The following GPR139 variants were observed in gnomAD, a reference collection of about 807,000 sequenced individuals.
GPR139 encodes the protein probable G protein-coupled receptor 139.
Under a neutral mutation model 25.8 loss-of-function variants are expected in GPR139, and 12 were observed. The ratio of observed to expected loss-of-function variants is 0.47; its 90% CI spans 0.30 to 0.75. The LOEUF is 0.75. Ranked by LOEUF, GPR139 falls within the 30% of genes least tolerant of loss-of-function variation. GPR139 has a pLI of 0.07. For synonymous variants in GPR139, 184 were observed against 179.9 expected (o/e 1.02, Z -0.18); for missense variants, 380 against 450.2 (o/e 0.84, Z 1.41).
intron 1 of GPR139, among the ~76,000 whole-genome samples, chr16:20,057,522 ATCCATCCATCCG>A (rs1469159776): frequency 0.011 from 1,679 of 151,946 alleles, 37 homozygotes; most frequent in African/African-American, 0.038. Flanking sequence ...CCATCCATCC[ATCCATCCATCCG>A]TCCATCCATC....
Position 20,056,346 on chromosome 16 carries a change from A to T in GPR139, c.127+17144T>A, listed in dbSNP as rs2057388470. 2.0e-5 allele frequency among the ~76,000 whole-genome samples: 3 copies of T among 152,192 alleles called. No individual in the cohort carries two copies. In the South Asian group the frequency reaches 6.2e-4, roughly 32 times the overall value. On this transcript the variant is annotated intron_variant, in intron 1 of 1. Transcript: ENST00000570682. ...GCCCTTCCTGAGGGTAGGAACCCAG[A>T]TTTATTTTCCTTTATGGCACAAGTA...
chr16:20,047,406 CTTAGGGATCATTT>C (rs1465678799), intron 1 of GPR139, among the ~76,000 whole-genome samples: 1 of 152,200 alleles, frequency 6.6e-6, no homozygotes, highest in African/African-American at 2.4e-5. Flanking sequence ...GTGCCCAGCC[CTTAGGGATCATTT>C]TTAAGGGACA....
chr16:20,061,178 A>AATGG (rs200262959), intron 1 of GPR139, among the ~76,000 whole-genome samples: 7,446 of 140,414 alleles, frequency 0.053, 542 homozygotes, highest in African/African-American at 0.16. Context: ...CCAGGCCCAG[A>AATGG]ATGGATGGAT....
At chr16:20,039,281 G>A (rs1463698572) in intron 1 of GPR139, among the ~76,000 whole-genome samples, 4 of 152,194 alleles carry the variant, frequency 2.6e-5, no homozygotes, top group Non-Finnish European at 5.9e-5. Flanking sequence ...ATCGTCTGCT[G>A]GCCCAGAGAG....
At chr16:20,068,256 A>AAAAAAAG (rs1555467127) in intron 1 of GPR139, among the ~76,000 whole-genome samples, 14 of 137,674 alleles carry the variant, frequency 1.0e-4, no homozygotes, top group African/African-American at 3.3e-4. Flanking sequence ...AAAAAAAAAA[A>AAAAAAAG]AAGAAAGGAG....
Position 20,073,290 on chromosome 16 carries a change from GCACA to G in GPR139, c.127+196_127+199del, listed in dbSNP as rs71146301. Reference sequence around the variant, plus strand: ...CACACACACACACACGCTCGCGCGCGCACACACACACACACGGTCCCCAGCTAGG... The same window carrying G: ...CACACACACACACACGCTCGCGCGCGCACACACACACGGTCCCCAGCTAGG... On this transcript the variant is annotated intron_variant, in intron 1 of 1. Coordinates refer to ENST00000570682, the MANE Select transcript of GPR139 (RefSeq NM_001002911.4). This position sits in a 1 kb window ranked among gnomAD's most constrained non-coding sequence, Gnocchi z 4.7. 2.0e-5 allele frequency among the ~76,000 whole-genome samples: 3 copies of G among 150,056 alleles called. No individual in the cohort carries two copies. Among genetic ancestry groups the G allele is most frequent in the South Asian group, 4.2e-4 (2 of 4,714 alleles).
chr16:20,040,978 C>T (rs1420732830), intron 1 of GPR139, among the ~76,000 whole-genome samples: 1 of 151,444 alleles, frequency 6.6e-6, no homozygotes, highest in Non-Finnish European at 1.5e-5. Context: ...AAGCCACTTA[C>T]CCCTTTCAGT....
chr16:20,067,565 G>T (rs532970386), intron 1 of GPR139, among the ~76,000 whole-genome samples: 5 of 152,144 alleles, frequency 3.3e-5, no homozygotes, highest in Non-Finnish European at 5.9e-5. Flanking sequence ...AGCACTTTGG[G>T]AGGCTGAGGC....
chr16:20,057,655 C>T (rs998857158), intron 1 of GPR139, among the ~76,000 whole-genome samples: 1 of 151,976 alleles, frequency 6.6e-6, no homozygotes, highest in Non-Finnish European at 1.5e-5. Flanking sequence ...ACCTACCAGG[C>T]CCCCTACCAT....
In GPR139 at chr16:20,031,112, T is replaced by C. The variant is rs2057286090; in HGVS notation, c.*623A>G. On this transcript the variant is annotated 3_prime_UTR_variant, in exon 2 of 2. Transcript: ENST00000570682. ...GGTTTGAGGTCACAGCTATGCGGGTTTGGAGATTTCCTGAAGAAGCTCTGG... is the reference window on the plus strand; with the variant it reads ...GGTTTGAGGTCACAGCTATGCGGGTCTGGAGATTTCCTGAAGAAGCTCTGG... Among the ~76,000 whole-genome samples the C allele has an allele frequency of 6.6e-6, 1 of 152,138 alleles. No individual in the cohort carries two copies. The highest frequency in any genetic ancestry group is 2.4e-5 in the African/African-American group (1 of 41,422).
At chr16:20,034,287 T>G (rs1233069563) in intron 1 of GPR139, among the ~76,000 whole-genome samples, 1 of 152,202 alleles carries the variant, frequency 6.6e-6, no homozygotes, top group Non-Finnish European at 1.5e-5. Flanking sequence ...ATAGTTCACA[T>G]GTAAAAATTC....
chr16:20,072,843 C>CACACACA (rs1393241336), intron 1 of GPR139, among the ~76,000 whole-genome samples: 9 of 152,228 alleles, frequency 5.9e-5, no homozygotes, highest in Non-Finnish European at 1.2e-4. Context: ...GCAGCCACCG[C>CACACACA]AGGCTGCCCT....
chr16:20,047,540 AT>A (rs376619786), intron 1 of GPR139, among the ~76,000 whole-genome samples: 2 of 152,290 alleles, frequency 1.3e-5, no homozygotes, highest in African/African-American at 4.8e-5. Context: ...AGTGTTTCCA[AT>A]TTAAAAGAAG....
chr16:20,052,444 C>T (rs2057375533), intron 1 of GPR139, among the ~76,000 whole-genome samples: 1 of 152,230 alleles, frequency 6.6e-6, no homozygotes, highest in African/African-American at 2.4e-5. Flanking sequence ...GATGCTGCTG[C>T]TGCTGATGAG....
At position 20,032,131 on chromosome 16, in the gene GPR139, G is replaced by T; in HGVS notation, c.666C>A (p.Ser222=). The part of the protein sequence containing the change: ...RKSNFRLRGY[S]TGKTTAILFT... ...ACAAGATGGCGGTGGTCTTCCCCGTGGAGTAGCCACGGAGACGAAAATTGC... is the reference window on the plus strand; with the variant it reads ...ACAAGATGGCGGTGGTCTTCCCCGTTGAGTAGCCACGGAGACGAAAATTGC... Residue 222 remains serine (S), a synonymous_variant, in exon 2 of 2, where the codon TCC becomes TCA. Coordinates refer to ENST00000570682, the MANE Select transcript of GPR139 (RefSeq NM_001002911.4). The T allele has an allele frequency of 6.2e-7, 1 of 1,614,134 alleles. No homozygotes were observed. Among genetic ancestry groups the T allele is most frequent in the Non-Finnish European group, 8.5e-7 (1 of 1,180,018 alleles).
intron 1 of GPR139, among the ~76,000 whole-genome samples, chr16:20,047,581 A>G (rs1415485537): frequency 1.3e-5 from 2 of 152,166 alleles, no homozygotes; most frequent in Admixed American, 6.5e-5. Context: ...CATCGGGGGG[A>G]AAATGAACTA....
chr16:20,050,531 CT>C (rs2057368212), intron 1 of GPR139, among the ~76,000 whole-genome samples: 1 of 152,166 alleles, frequency 6.6e-6, no homozygotes, highest in Non-Finnish European at 1.5e-5. Context: ...CCATGCTAGA[CT>C]CACATTTCCA....
chr16:20,071,443 T>A (rs1270372030), intron 1 of GPR139, among the ~76,000 whole-genome samples: 2 of 152,190 alleles, frequency 1.3e-5, no homozygotes, highest in African/African-American at 4.8e-5. Flanking sequence ...GCGCTTGCAT[T>A]TGGGAGCTCC....
rs1423056091 is a variant in GPR139, at chr16:20,029,173, AT to A, written c.*2561del. Among the ~76,000 whole-genome samples, 2 of 152,198 alleles carry A rather than the reference AT, an allele frequency of 1.3e-5. No individual in the cohort carries two copies. Among genetic ancestry groups the A allele is most frequent in the African/African-American group, 2.4e-5 (1 of 41,452 alleles). On this transcript the variant is annotated 3_prime_UTR_variant, in exon 2 of 2. Coordinates refer to ENST00000570682, the MANE Select transcript of GPR139 (RefSeq NM_001002911.4). ...TCTTTTAAATATCATGTAGCAAAAT[AT>A]AAAATATATTCGGAGGAAAAGAGAT...
Sources: gnomAD v4.1 joint callset for allele counts (sites outside exome capture counted in the v4.1 genomes callset) on GRCh38, gnomAD v4.1.1 for gene constraint, Gnocchi (gnomAD v3.1) non-coding constraint, MANE v1.5 for transcripts, NCBI Gene and HGNC (gene_info 2026-07-23, HGNC 2026-07-21) for gene names.